The following MACROD2 variants were observed in gnomAD, a reference collection of about 807,000 sequenced individuals.
MACROD2 encodes the protein mono-ADP ribosylhydrolase 2.
MACROD2 carries 36 observed loss-of-function variants against 70.4 expected under a neutral mutation model. That is an observed-to-expected ratio of 0.51 (90% CI 0.39 to 0.68). MACROD2 has a LOEUF of 0.68. Ranked by LOEUF, MACROD2 falls within the 30% of genes least tolerant of loss-of-function variation. The pLI is 0.00. For synonymous variants in MACROD2, 172 were observed against 178.8 expected (o/e 0.96, Z 0.30); for missense variants, 496 against 538.4 (o/e 0.92, Z 0.78).
At chr20:15,968,731 C>T (rs1015432529) in intron 13 of MACROD2, among the ~76,000 whole-genome samples, 3 of 141,146 alleles carry the variant, frequency 2.1e-5, no homozygotes, top group South Asian at 2.3e-4. Flanking sequence ...TTTCTACTAC[C>T]GAAGACAACT....
intron 6 of MACROD2, among the ~76,000 whole-genome samples, chr20:15,324,385 C>T (rs928080368): frequency 3.3e-5 from 5 of 152,130 alleles, no homozygotes; most frequent in African/African-American, 1.2e-4. Flanking sequence ...CTCTGAAACC[C>T]GTATACAACA....
intron 6 of MACROD2, among the ~76,000 whole-genome samples, chr20:15,420,474 C>T (rs1281324709): frequency 6.6e-6 from 1 of 152,186 alleles, no homozygotes; most frequent in Non-Finnish European, 1.5e-5. Context: ...CAGTCTCCTA[C>T]AAAGAACCTT....
At chr20:14,074,920 T>C (rs973263924) in intron 2 of MACROD2, among the ~76,000 whole-genome samples, 1 of 152,214 alleles carries the variant, frequency 6.6e-6, no homozygotes, top group Non-Finnish European at 1.5e-5. Context: ...ACTCCATCCT[T>C]CCTGGGAAGT....
chr20:15,699,767 A>G (rs978155840), intron 8 of MACROD2, among the ~76,000 whole-genome samples: 1 of 152,166 alleles, frequency 6.6e-6, no homozygotes, highest in Admixed American at 6.5e-5. Context: ...AGTTCTTGCC[A>G]GGAGGCTTCT....
chr20:14,698,771 TATTTAATTAAATAATTAC>T (rs1042492731), intron 5 of MACROD2, among the ~76,000 whole-genome samples: 4 of 149,308 alleles, frequency 2.7e-5, no homozygotes, highest in Non-Finnish European at 5.9e-5. Flanking sequence ...TAAATGTAAT[TATTTAATTAAATAATTAC>T]ATTTAATTAT....
intron 4 of MACROD2, among the ~76,000 whole-genome samples, chr20:14,627,872 C>T (rs1568708307): frequency 6.6e-6 from 1 of 152,060 alleles, no homozygotes; most frequent in Non-Finnish European, 1.5e-5. Flanking sequence ...GACAAAAAAT[C>T]CTGACCTTAA....
At chr20:16,016,866 T>G (rs527698768) in intron 15 of MACROD2, among the ~76,000 whole-genome samples, 1 of 152,204 alleles carries the variant, frequency 6.6e-6, no homozygotes, top group Non-Finnish European at 1.5e-5. Flanking sequence ...AATTGTGCAG[T>G]CTTTGACTAT....
chr20:14,655,120 GTTTC>G (rs1600504234), intron 4 of MACROD2, among the ~76,000 whole-genome samples: 5 of 151,910 alleles, frequency 3.3e-5, no homozygotes, highest in Admixed American at 2.6e-4. Context: ...TTACTTCATT[GTTTC>G]TTTCTTTGGT....
chr20:15,925,716 T>G (rs1466194667), intron 10 of MACROD2, among the ~76,000 whole-genome samples: 1 of 152,194 alleles, frequency 6.6e-6, no homozygotes, highest in Non-Finnish European at 1.5e-5. Context: ...TACAGTTTCA[T>G]GCATTTCGTC....
In MACROD2 at chr20:14,317,415, C is replaced by G. The variant is rs546004890; in HGVS notation, c.272-176064C>G. On this transcript the variant is annotated intron_variant, in intron 3 of 17. Transcript: ENST00000684519. ...CGGGTGGATCACGAGGTCAAGAGAT[C>G]AAGACCATCCTGGCCAACATGGTGA... Among the ~76,000 whole-genome samples, 4 of 151,982 alleles carry G rather than the reference C, an allele frequency of 2.6e-5. No individual in the cohort carries two copies. In the South Asian group the frequency reaches 8.3e-4, roughly 32 times the overall value.
intron 3 of MACROD2, among the ~76,000 whole-genome samples, chr20:14,304,016 G>T (rs1439170756): frequency 6.6e-6 from 1 of 152,196 alleles, no homozygotes; most frequent in East Asian, 1.9e-4. Context: ...CACATTTTGA[G>T]TGTCTTTATT....
intron 6 of MACROD2, among the ~76,000 whole-genome samples, chr20:15,366,305 C>G (rs996640146): frequency 6.6e-6 from 1 of 152,138 alleles, no homozygotes; most frequent in African/African-American, 2.4e-5. Flanking sequence ...CTCTACCATG[C>G]TCTGGGCTTT....
chr20:14,105,665 A>G lies in MACROD2; in HGVS notation c.271+19937A>G, dbSNP rs1371732705. 2.0e-5 allele frequency among the ~76,000 whole-genome samples: 3 copies of G among 152,318 alleles called. No homozygotes were observed. The East Asian group carries it at 5.8e-4, about 29-fold the overall frequency. ...GTGGCATATGGCCTAGAGAGACACC[A>G]AATGGGGCAGCTAAGGGAGTGCACC... On this transcript the variant is annotated intron_variant, in intron 3 of 17. Coordinates refer to ENST00000684519, the MANE Select transcript of MACROD2 (RefSeq NM_001351661.2).
At chr20:14,747,773 C>A (rs1190417479) in intron 5 of MACROD2, among the ~76,000 whole-genome samples, 1 of 151,534 alleles carries the variant, frequency 6.6e-6, no homozygotes, top group Non-Finnish European at 1.5e-5. Context: ...TGTGCCTCTG[C>A]TCCTATCTCT....
At chr20:15,040,183 C>T (rs948359958) in intron 5 of MACROD2, among the ~76,000 whole-genome samples, 4 of 152,050 alleles carry the variant, frequency 2.6e-5, no homozygotes, top group East Asian at 1.9e-4. Context: ...GGTGTGGTGG[C>T]ACATGCCTGT....
At chr20:14,562,872 C>G (rs1979531697) in intron 4 of MACROD2, among the ~76,000 whole-genome samples, 1 of 151,796 alleles carries the variant, frequency 6.6e-6, no homozygotes. Flanking sequence ...CAGTCCTCTT[C>G]TGGGGATATG....
In MACROD2 at chr20:14,619,443, G is replaced by A. The variant is rs1480242471; in HGVS notation, c.302-65400G>A. 4.6e-4 allele frequency among the ~76,000 whole-genome samples: 15 copies of A among 32,638 alleles called. 1 individual carries two copies. The highest frequency in any genetic ancestry group is 6.8e-4 in the African/African-American group (5 of 7,364). The allele number at this position is 32,638 out of a possible 152,430, so 21.4% of individuals were successfully genotyped here. ...GAGGGAAGGAAGGAAGGGAGGGAGGGAGGAAGGGAAGGGAGGGGAGGAAGG... is the reference window on the plus strand; with the variant it reads ...GAGGGAAGGAAGGAAGGGAGGGAGGAAGGAAGGGAAGGGAGGGGAGGAAGG... On this transcript the variant is annotated intron_variant, in intron 4 of 17. Transcript: ENST00000684519.
intron 5 of MACROD2, among the ~76,000 whole-genome samples, chr20:15,052,043 G>A (rs952887309): frequency 1.3e-5 from 2 of 152,098 alleles, no homozygotes; most frequent in Non-Finnish European, 2.9e-5. Flanking sequence ...AAGCCACTGC[G>A]CCCGGCCGGC....
chr20:14,326,655 A>T lies in MACROD2; in HGVS notation c.272-166824A>T, dbSNP rs751523905. On this transcript the variant is annotated intron_variant, in intron 3 of 17. Coordinates refer to ENST00000684519, the MANE Select transcript of MACROD2 (RefSeq NM_001351661.2). The surrounding 1 kb of genome is among the most constrained non-coding windows in gnomAD (Gnocchi z 5.5). ...CATCAAAGATACCCTGAGGTAAATTACTTAGGTTATTATTGGACATATCCA... is the reference window on the plus strand; with the variant it reads ...CATCAAAGATACCCTGAGGTAAATTTCTTAGGTTATTATTGGACATATCCA... The T allele has an allele frequency of 1.0e-4, 163 of 1,613,660 alleles. No homozygotes were observed. The highest frequency in any genetic ancestry group is 1.3e-4 in the Non-Finnish European group (159 of 1,179,834).
Sources: gnomAD v4.1 joint callset for allele counts (sites outside exome capture counted in the v4.1 genomes callset) on GRCh38, gnomAD v4.1.1 for gene constraint, Gnocchi (gnomAD v3.1) non-coding constraint, MANE v1.5 for transcripts, NCBI Gene and HGNC (gene_info 2026-07-23, HGNC 2026-07-21) for gene names.